HADHB: variants seen among roughly 807,000 people sequenced by gnomAD.
HADHB encodes the protein hydroxyacyl-CoA dehydrogenase trifunctional multienzyme complex subunit beta.
In HADHB, 50 loss-of-function variants were observed where a neutral mutation model predicts 61.9. That is an observed-to-expected ratio of 0.81 (90% CI 0.64 to 1.02). The LOEUF is 1.02. HADHB is among the 50% of genes least tolerant of loss of function. HADHB has a pLI of 0.00. For synonymous variants in HADHB, 191 were observed against 201.6 expected (o/e 0.95, Z 0.45); for missense variants, 504 against 586.5 (o/e 0.86, Z 1.45).
chr2:26,253,710 G>A (rs1031007450), intron 1 of HADHB, among the ~76,000 whole-genome samples: 4 of 151,650 alleles, frequency 2.6e-5, no homozygotes, highest in African/African-American at 9.7e-5. Flanking sequence ...AAAATTAGCC[G>A]GGTGTGGTGG....
intron 7 of HADHB, 30 bp from the exon 8 acceptor site, chr2:26,278,584 T>C: frequency 6.4e-7 from 1 of 1,569,392 alleles, no homozygotes; most frequent in Non-Finnish European, 8.8e-7. Context: ...CTGTAAAAGA[T>C]ATTCATGAAG....
intron 15 of HADHB, among the ~76,000 whole-genome samples, chr2:26,289,107 G>A (rs1312616380): frequency 4.6e-5 from 7 of 152,080 alleles, no homozygotes; most frequent in Non-Finnish European, 4.4e-5. Flanking sequence ...AAAATTAGCC[G>A]GACGTGGTGG....
At chr2:26,257,805 G>T (rs1671692533) in intron 3 of HADHB, among the ~76,000 whole-genome samples, 1 of 151,802 alleles carries the variant, frequency 6.6e-6, no homozygotes, top group South Asian at 2.1e-4. Flanking sequence ...GGATCACGAG[G>T]TCAAGAGATG....
intron 1 of HADHB, among the ~76,000 whole-genome samples, chr2:26,246,897 C>A (rs1433359024): frequency 6.6e-6 from 1 of 152,174 alleles, no homozygotes; most frequent in Non-Finnish European, 1.5e-5. Context: ...CACAGGTATA[C>A]CCCTAACTGT....
chr2:26,285,954 T>C (rs1194574006), intron 15 of HADHB, among the ~76,000 whole-genome samples: 1 of 151,892 alleles, frequency 6.6e-6, no homozygotes, highest in Non-Finnish European at 1.5e-5. Flanking sequence ...GCCAGGCTAG[T>C]CTCGAATTGC....
intron 1 of HADHB, among the ~76,000 whole-genome samples, chr2:26,252,714 C>T (rs1395367283): frequency 1.3e-5 from 2 of 152,194 alleles, no homozygotes; most frequent in Non-Finnish European, 2.9e-5. Flanking sequence ...GGTGTTGTAG[C>T]ATGGTTTACT....
chr2:26,280,853 C>CAAAAA (rs10560210), intron 10 of HADHB, among the ~76,000 whole-genome samples: 2 of 49,152 alleles, frequency 4.1e-5, no homozygotes, highest in African/African-American at 8.5e-5. Context: ...ACTCCCATCT[C>CAAAAA]AAAAAAAAAA....
chr2:26,281,501 A>G (rs1338281964), intron 10 of HADHB, among the ~76,000 whole-genome samples: 2 of 152,156 alleles, frequency 1.3e-5, no homozygotes, highest in African/African-American at 4.8e-5. Context: ...GCAAAACCGA[A>G]TTGGATGATA....
At chr2:26,267,811 T>G (rs1485659333) in intron 4 of HADHB, among the ~76,000 whole-genome samples, 1 of 147,530 alleles carries the variant, frequency 6.8e-6, no homozygotes, top group African/African-American at 2.5e-5. Flanking sequence ...TGAGAAAGAA[T>G]GAACAAGTCT....
At chr2:26,263,340 T>C (rs1275860319) in intron 3 of HADHB, 40 bp from the exon 4 acceptor site, 4 of 1,196,002 alleles carry the variant, frequency 3.3e-6, no homozygotes, top group Admixed American at 3.4e-5. Flanking sequence ...ACTTTATATA[T>C]TTTAATTAGT....
intron 1 of HADHB, among the ~76,000 whole-genome samples, chr2:26,253,086 G>A (rs1671465797): frequency 6.6e-6 from 1 of 151,576 alleles, no homozygotes; most frequent in Non-Finnish European, 1.5e-5. Context: ...AGAACCATTT[G>A]TATTTCCTTT....
chr2:26,251,344 G>A (rs935944845), intron 1 of HADHB, among the ~76,000 whole-genome samples: 1 of 151,860 alleles, frequency 6.6e-6, no homozygotes, highest in Admixed American at 6.6e-5. Flanking sequence ...ATGCCACCAT[G>A]CCCAGCTAGT....
At position 26,269,946 on chromosome 2, in the gene HADHB, TC is replaced by T; in HGVS notation, c.210-3del. On this transcript the variant is annotated splice_region_variant and splice_polypyrimidine_tract_variant and intron_variant, in intron 4 of 15. Coordinates refer to ENST00000317799, the MANE Select transcript of HADHB (RefSeq NM_000183.3). The stretch of plus-strand genomic sequence containing the variant: ...TTTGGTTTAAATTACTGGTTTTCGT[TC>T]CCCAGATATAAAGACCTGATGCCAC... The T allele has an allele frequency of 1.2e-6, 2 of 1,600,262 alleles. No homozygotes were observed. Among genetic ancestry groups the T allele is most frequent in the Non-Finnish European group, 1.7e-6 (2 of 1,167,404 alleles).
Position 26,278,737 on chromosome 2 carries a change from C to G in HADHB, c.566C>G (p.Ala189Gly). 6.2e-7 allele frequency: 1 copy of G among 1,614,080 alleles called. No individual in the cohort carries two copies. Among genetic ancestry groups the G allele is most frequent in the South Asian group, 1.1e-5 (1 of 91,078 alleles). The change falls in exon 8 of 16, where the codon GCC (alanine) becomes GGC (glycine). Residue 189 changes from alanine to glycine, a missense_variant. Transcript: ENST00000317799. ...AAACTGATGCTTGATCTCAATAAGG[C>G]CAAATCTATGGGCCAGCGACTGTCT... Reference protein sequence around the residue: ...MRKLMLDLNKAKSMGQRLSLI... With the variant: ...MRKLMLDLNKGKSMGQRLSLI...
intron 5 of HADHB, among the ~76,000 whole-genome samples, chr2:26,271,190 C>T (rs1323234035): frequency 2.4e-4 from 36 of 150,470 alleles, no homozygotes; most frequent in Middle Eastern, 3.4e-3. Context: ...CCACTGCGCC[C>T]GGCCGATTCT....
chr2:26,256,726 G>T (rs925005540), intron 3 of HADHB, among the ~76,000 whole-genome samples: 1 of 152,136 alleles, frequency 6.6e-6, no homozygotes, highest in Admixed American at 6.5e-5. Context: ...TAAGAAAATC[G>T]TGGCAGAGTA....
chr2:26,283,919 C>CT (rs1558360521), intron 12 of HADHB, among the ~76,000 whole-genome samples, 198 bp from the exon 13 acceptor site: 1 of 152,166 alleles, frequency 6.6e-6, no homozygotes, highest in Non-Finnish European at 1.5e-5. Context: ...ATTTCTCTGA[C>CT]TCTGCAACAT....
At chr2:26,280,279 G>A (rs145934638) in intron 10 of HADHB, among the ~76,000 whole-genome samples, 164 bp downstream of exon 10, 5 of 151,934 alleles carry the variant, frequency 3.3e-5, no homozygotes, top group African/African-American at 4.8e-5. Flanking sequence ...ATAGAATCAC[G>A]GTTTTAAGGC....
At chr2:26,279,088 A>G in intron 8 of HADHB, 47 bp from the exon 9 acceptor site, 1 of 1,444,932 alleles carries the variant, frequency 6.9e-7, no homozygotes, top group African/African-American at 1.4e-5. Context: ...GTGTTAGCAT[A>G]ACACCGGTTA....
Sources: allele counts gnomAD v4.1 joint callset (sites outside exome capture counted in the v4.1 genomes callset), GRCh38; gene constraint gnomAD v4.1.1; transcripts MANE v1.5; gene names NCBI Gene and HGNC (gene_info 2026-07-23, HGNC 2026-07-21).